The following TP73 variants were observed in gnomAD, a reference collection of about 807,000 sequenced individuals.
The protein encoded by TP73 is p53-like transcription factor.
A neutral mutation model predicts 62.5 loss-of-function variants in TP73; 25 were observed. That is an observed-to-expected ratio of 0.40 (90% CI 0.29 to 0.56). TP73 has a LOEUF of 0.56. TP73 is among the 20% of genes least tolerant of loss of function. TP73 has a pLI of 0.46. For missense variants in TP73, 754 were observed against 913.3 expected, an observed-to-expected ratio of 0.83 and a Z score of 2.25; for synonymous variants, 423 against 377.5, an observed-to-expected ratio of 1.12 and a Z score of -1.40.
At chr1:3,715,011 C>G (rs944550498) in intron 4 of TP73, among the ~76,000 whole-genome samples, 3 of 152,220 alleles carry the variant, frequency 2.0e-5, no homozygotes, top group Non-Finnish European at 4.4e-5. Context: ...ACAGCGGCGA[C>G]CGGGTGGGGA....
At chr1:3,667,890 C>T (rs756071384) in intron 1 of TP73, among the ~76,000 whole-genome samples, 10 of 152,200 alleles carry the variant, frequency 6.6e-5, no homozygotes, top group Non-Finnish European at 1.2e-4. Context: ...CCTTGTGTTA[C>T]GGTGCACAGG....
chr1:3,681,877 A>G (rs12403618), intron 1 of TP73, among the ~76,000 whole-genome samples: 10 of 107,822 alleles, frequency 9.3e-5, no homozygotes, highest in East Asian at 2.4e-4. Flanking sequence ...GGCCTCACAC[A>G]CTTGTTCCGG....
intron 1 of TP73, chr1:3,652,871 G>A (rs1218792764): frequency 6.6e-6 from 1 of 152,318 alleles, no homozygotes; most frequent in Non-Finnish European, 1.5e-5. Context: ...AGGAGACGCG[G>A]GTCCTGCCCT....
intron 1 of TP73, among the ~76,000 whole-genome samples, chr1:3,677,060 G>C (rs1454372321): frequency 6.6e-6 from 1 of 152,086 alleles, no homozygotes; most frequent in Admixed American, 6.5e-5. Flanking sequence ...GAAGTCATCA[G>C]AGAGCCTTGT....
rs948048705 is a variant in TP73, at chr1:3,729,273, C to G, written c.1075-54C>G. 3.1e-5 allele frequency: 50 copies of G among 1,608,842 alleles called. No homozygotes were observed. The East Asian group carries it at 1.0e-3, about 33-fold the overall frequency. ...GGTCCTCCTGAGGCTGCGGCCACCCCCCTCCCGTGGGGGTCTGGGGCACGT... is the reference window on the plus strand; with the variant it reads ...GGTCCTCCTGAGGCTGCGGCCACCCGCCTCCCGTGGGGGTCTGGGGCACGT... On this transcript the variant is annotated intron_variant, in intron 9 of 13. Transcript: ENST00000378295.
At chr1:3,700,175 C>T (rs1639037177) in intron 3 of TP73, among the ~76,000 whole-genome samples, 1 of 152,066 alleles carries the variant, frequency 6.6e-6, no homozygotes, top group African/African-American at 2.4e-5. Context: ...ATGCAGGGAC[C>T]AGGCTGCATG....
intron 3 of TP73, among the ~76,000 whole-genome samples, chr1:3,692,128 C>T (rs535302509): frequency 2.0e-5 from 3 of 152,122 alleles, no homozygotes; most frequent in African/African-American, 7.2e-5. Context: ...GGTGTGTGTA[C>T]GTGTGAGCAG....
intron 3 of TP73, among the ~76,000 whole-genome samples, chr1:3,702,868 G>A (rs1312310543): frequency 2.0e-5 from 3 of 152,352 alleles, no homozygotes; most frequent in Admixed American, 6.5e-5. Context: ...GTTCCTCCCC[G>A]TGGCTTCCGG....
Position 3,722,257 on chromosome 1 carries a change from C to G in TP73, c.616+50C>G, listed in dbSNP as rs116167852. 3.1e-3 allele frequency: 5,024 copies of G among 1,602,392 alleles called. 123 individuals are homozygous for G. In the African/African-American group the frequency reaches 0.053, roughly 17 times the overall value. On this transcript the variant is annotated intron_variant, in intron 5 of 13. Transcript: ENST00000378295. ...CACGGTGGCACTTTGCCCAGCATCC[C>G]GGACAGCACAGCCGGGGGCTGCCTA...
intron 4 of TP73, among the ~76,000 whole-genome samples, chr1:3,718,093 C>T (rs545687065): frequency 6.6e-6 from 1 of 152,292 alleles, no homozygotes; most frequent in Admixed American, 6.5e-5. Flanking sequence ...GGTCGAAGAC[C>T]TGTCCGTTCT....
chr1:3,689,600 G>A (rs1001477298), intron 3 of TP73, among the ~76,000 whole-genome samples: 2 of 152,174 alleles, frequency 1.3e-5, no homozygotes, highest in Admixed American at 6.5e-5. Context: ...CGGGGGTGGG[G>A]GTGGGGAGCG....
chr1:3,723,080 G>A (rs941308445), intron 5 of TP73, among the ~76,000 whole-genome samples: 7 of 150,188 alleles, frequency 4.7e-5, no homozygotes, highest in Non-Finnish European at 1.0e-4. Flanking sequence ...ACCTGGCACT[G>A]GGCTGGGCAC....
At position 3,734,834 on chromosome 1, in the gene TP73, C is replaced by G. The variant is rs898455203; in HGVS notation, c.*1755C>G. On this transcript the variant is annotated 3_prime_UTR_variant, in exon 14 of 14. Transcript: ENST00000378295. This position sits in a 1 kb window ranked among gnomAD's most constrained non-coding sequence, Gnocchi z 4.4. ...TGCACGCTTGTGGGGGCAGCAGGAACGGGGCTGTCGGCTCTCAGGGGATCT... is the reference window on the plus strand; with the variant it reads ...TGCACGCTTGTGGGGGCAGCAGGAAGGGGGCTGTCGGCTCTCAGGGGATCT... 3.9e-5 allele frequency: 6 copies of G among 152,008 alleles called. No individual in the cohort carries two copies. The highest frequency in any genetic ancestry group is 8.8e-5 in the Non-Finnish European group (6 of 68,164). The allele number at this position is 152,008 out of a possible 1,614,324, so 9.4% of individuals were successfully genotyped here. A position where few individuals can be genotyped will look rare whatever the true frequency, so the allele number is the denominator to read the frequency against.
intron 11 of TP73, among the ~76,000 whole-genome samples, chr1:3,730,449 C>T (rs190888438): frequency 2.0e-4 from 30 of 152,334 alleles, no homozygotes; most frequent in African/African-American, 6.7e-4. Flanking sequence ...GTTTCCCCAT[C>T]AGCAAATGGC....
chr1:3,718,888 ACCT>A (rs1640835796), intron 4 of TP73, among the ~76,000 whole-genome samples: 1 of 151,860 alleles, frequency 6.6e-6, no homozygotes, highest in Non-Finnish European at 1.5e-5. Context: ...CGCAACCAAC[ACCT>A]CCTCACCTGG....
chr1:3,732,150 C>T (rs1434152752), intron 13 of TP73, among the ~76,000 whole-genome samples: 2 of 152,212 alleles, frequency 1.3e-5, no homozygotes, highest in African/African-American at 4.8e-5. Context: ...TGGGAACCTG[C>T]CCCCCAGCCA....
At chr1:3,687,461 T>C (rs900749924) in intron 3 of TP73, among the ~76,000 whole-genome samples, 2 of 152,086 alleles carry the variant, frequency 1.3e-5, no homozygotes, top group Non-Finnish European at 2.9e-5. Context: ...GGGGGTCCTA[T>C]CCTCACCCGG....
chr1:3,728,356 C>A, intron 9 of TP73, 139 bp downstream of exon 9: 1 of 824,562 alleles, frequency 1.2e-6, no homozygotes, highest in Non-Finnish European at 1.9e-6. Context: ...GTGAGAGGGT[C>A]CAGAGGGCAG....
intron 1 of TP73, among the ~76,000 whole-genome samples, chr1:3,671,549 C>A (rs2102047614): frequency 6.6e-6 from 1 of 152,324 alleles, no homozygotes; most frequent in South Asian, 2.1e-4. Flanking sequence ...CCTGCAGGAG[C>A]CGGGGCCTCC....
Sources: gnomAD v4.1 joint callset for allele counts (sites outside exome capture counted in the v4.1 genomes callset) on GRCh38, gnomAD v4.1.1 for gene constraint, Gnocchi (gnomAD v3.1) non-coding constraint, MANE v1.5 for transcripts, NCBI Gene and HGNC (gene_info 2026-07-23, HGNC 2026-07-21) for gene names.